CAMTA1: variants seen among roughly 807,000 people sequenced by gnomAD.
CAMTA1 encodes calmodulin-binding transcription activator 1.
In CAMTA1, 27 loss-of-function variants were observed where a neutral mutation model predicts 170.9. The observed-to-expected ratio is 0.16, with a 90% CI of 0.12 to 0.22. The LOEUF is 0.22. CAMTA1 is among the 10% of genes least tolerant of loss of function. The pLI is 1.00. For synonymous variants in CAMTA1, 833 were observed against 891.5 expected (o/e 0.93, Z 1.17); for missense variants, 1,619 against 2,217.2 (o/e 0.73, Z 5.42).
chr1:7,390,441 G>T (rs528055249), intron 5 of CAMTA1, among the ~76,000 whole-genome samples: 11 of 152,256 alleles, frequency 7.2e-5, no homozygotes, highest in African/African-American at 2.6e-4. Context: ...GTCCCCAAAG[G>T]AGCCCGCAGA....
At chr1:7,672,945 G>A (rs1039841436) in intron 10 of CAMTA1, among the ~76,000 whole-genome samples, 3 of 152,160 alleles carry the variant, frequency 2.0e-5, no homozygotes, top group Non-Finnish European at 4.4e-5. Flanking sequence ...GCTCGGCCTG[G>A]AGCACAGCCA....
At chr1:7,533,326 GC>G (rs1027228856) in intron 6 of CAMTA1, among the ~76,000 whole-genome samples, 84 of 152,324 alleles carry the variant, frequency 5.5e-4, no homozygotes, top group African/African-American at 1.9e-3. Context: ...AGGGAGGTGG[GC>G]CAGGGTTACC....
At chr1:7,279,611 G>A (rs1262016643) in intron 5 of CAMTA1, among the ~76,000 whole-genome samples, 1 of 152,166 alleles carries the variant, frequency 6.6e-6, no homozygotes, top group Non-Finnish European at 1.5e-5. Flanking sequence ...AAATGGTCAG[G>A]TTTCTGCAGA....
intron 4 of CAMTA1, among the ~76,000 whole-genome samples, chr1:7,230,443 C>CG (rs1662554660): frequency 2.5e-5 from 2 of 80,360 alleles, no homozygotes; most frequent in Non-Finnish European, 5.1e-5. Context: ...CCCCCCCCCC[C>CG]CGCCCCGCAA....
chr1:6,941,527 T>G (rs1686621883), intron 3 of CAMTA1, among the ~76,000 whole-genome samples: 1 of 152,082 alleles, frequency 6.6e-6, no homozygotes, highest in African/African-American at 2.4e-5. Context: ...ATGGCCTATT[T>G]AGGAGGTCAT....
At chr1:7,607,351 G>C (rs1260339052) in intron 6 of CAMTA1, among the ~76,000 whole-genome samples, 2 of 150,130 alleles carry the variant, frequency 1.3e-5, no homozygotes, top group Non-Finnish European at 3.0e-5. Flanking sequence ...TGGATAGATG[G>C]AAGATAGGTG....
intron 22 of CAMTA1, among the ~76,000 whole-genome samples, chr1:7,755,978 G>T (rs927809595): frequency 2.6e-5 from 4 of 152,324 alleles, no homozygotes; most frequent in South Asian, 2.1e-4. Context: ...GGCAGGCCAC[G>T]TACACGGCCA....
At position 7,544,774 on chromosome 1, in the gene CAMTA1, G is replaced by A. The variant is rs763306769; in HGVS notation, c.510+76873G>A. 1.3e-3 allele frequency among the ~76,000 whole-genome samples: 191 copies of A among 152,284 alleles called. 2 individuals are homozygous for A. The highest frequency in any genetic ancestry group is 3.4e-3 in the Middle Eastern group (1 of 294). ...GCAGCTTCCACTCATGGTGGAAGGT[G>A]GGAGGAGAGCCAGCCTGTGCCAAGA... is the stretch of plus-strand genomic sequence containing the variant. On this transcript the variant is annotated intron_variant, in intron 6 of 22. Coordinates refer to ENST00000303635, the MANE Select transcript of CAMTA1 (RefSeq NM_015215.4).
At chr1:7,353,910 A>C (rs1240722422) in intron 5 of CAMTA1, among the ~76,000 whole-genome samples, 1 of 151,790 alleles carries the variant, frequency 6.6e-6, no homozygotes, top group Non-Finnish European at 1.5e-5. Flanking sequence ...CCTTCTGCCC[A>C]CCCTCCACCT....
intron 3 of CAMTA1, among the ~76,000 whole-genome samples, chr1:7,052,641 G>C (rs1052393244): frequency 6.6e-6 from 1 of 151,982 alleles, no homozygotes; most frequent in Non-Finnish European, 1.5e-5. Context: ...TGCGTGGCTC[G>C]TCCAGCTCTA....
chr1:7,079,940 G>A (rs760701262), intron 3 of CAMTA1, among the ~76,000 whole-genome samples: 4 of 152,174 alleles, frequency 2.6e-5, no homozygotes, highest in Non-Finnish European at 5.9e-5. Context: ...ATTCCGTATA[G>A]AGTAAATTAT....
intron 11 of CAMTA1, among the ~76,000 whole-genome samples, chr1:7,706,052 A>G (rs1326370773): frequency 6.6e-6 from 1 of 152,188 alleles, no homozygotes; most frequent in Non-Finnish European, 1.5e-5. Context: ...CATCAAAAGC[A>G]TTTCTCTACA....
At chr1:7,465,993 C>T (rs1045260481) in intron 5 of CAMTA1, among the ~76,000 whole-genome samples, 6 of 152,124 alleles carry the variant, frequency 3.9e-5, no homozygotes, top group African/African-American at 7.2e-5. Context: ...TTCAAAGGGA[C>T]GAGAGAAACA....
intron 7 of CAMTA1, among the ~76,000 whole-genome samples, chr1:7,655,835 G>T (rs2095898552): frequency 6.6e-6 from 1 of 152,210 alleles, no homozygotes; most frequent in Admixed American, 6.5e-5. Flanking sequence ...TGGACCTTTA[G>T]CCACAGAGCC....
intron 3 of CAMTA1, among the ~76,000 whole-genome samples, chr1:6,937,034 A>G (rs191445372): frequency 3.4e-4 from 52 of 152,110 alleles, no homozygotes; most frequent in African/African-American, 1.1e-3. Context: ...TGCCGTCTCC[A>G]TCATCATCAC....
intron 5 of CAMTA1, among the ~76,000 whole-genome samples, chr1:7,275,917 C>T (rs1235178733): frequency 6.6e-6 from 1 of 151,886 alleles, no homozygotes; most frequent in Non-Finnish European, 1.5e-5. Context: ...ATATCTGATA[C>T]CAAAACCAGG....
intron 7 of CAMTA1, among the ~76,000 whole-genome samples, chr1:7,650,425 G>A (rs1294770204): frequency 6.6e-6 from 1 of 152,178 alleles, no homozygotes; most frequent in Admixed American, 6.5e-5. Context: ...GGCTGGAATG[G>A]CGCCTCTCCC....
At chr1:7,393,191 A>G (rs538572019) in intron 5 of CAMTA1, among the ~76,000 whole-genome samples, 2 of 152,080 alleles carry the variant, frequency 1.3e-5, no homozygotes, top group Admixed American at 1.3e-4. Flanking sequence ...ATGTTTTTTC[A>G]TGTACTTGCT....
intron 3 of CAMTA1, among the ~76,000 whole-genome samples, chr1:6,844,887 A>G (rs1439190576): frequency 6.6e-6 from 1 of 152,124 alleles, no homozygotes; most frequent in Non-Finnish European, 1.5e-5. Flanking sequence ...AAGGACACAT[A>G]AGTAACTCGT....
Sources: gnomAD v4.1 joint callset for allele counts (sites outside exome capture counted in the v4.1 genomes callset) on GRCh38, gnomAD v4.1.1 for gene constraint, MANE v1.5 for transcripts, NCBI Gene and HGNC (gene_info 2026-07-23, HGNC 2026-07-21) for gene names.